CWC27: variants seen among roughly 807,000 people sequenced by gnomAD.
The protein encoded by CWC27 is CWC27 spliceosome associated cyclophilin, also known as spliceosome-associated protein CWC27 homolog.
CWC27 carries 47 observed loss-of-function variants against 63.6 expected under a neutral mutation model. The ratio of observed to expected loss-of-function variants is 0.74; its 90% CI spans 0.58 to 0.94. CWC27 has a LOEUF of 0.94. CWC27 is among the 40% of genes least tolerant of loss of function. The probability of loss-of-function intolerance (pLI) is 0.00; values close to 1 mark genes in which losing one functional copy is unlikely to be tolerated. For missense variants in CWC27, 495 were observed against 554.3 expected (o/e 0.89, Z 1.07); for synonymous variants, 175 against 179.8 (o/e 0.97, Z 0.22).
chr5:64,865,140 G>C (rs952637863), intron 10 of CWC27, among the ~76,000 whole-genome samples: 5 of 151,700 alleles, frequency 3.3e-5, no homozygotes, highest in Non-Finnish European at 7.4e-5. Flanking sequence ...AAAAAAACTT[G>C]GGGTAACAGC....
chr5:64,947,366 C>T (rs1273462578), intron 11 of CWC27, among the ~76,000 whole-genome samples: 1 of 152,112 alleles, frequency 6.6e-6, no homozygotes, highest in Non-Finnish European at 1.5e-5. Context: ...GCAGTCTAGT[C>T]TAACTTGGCT....
In CWC27 at chr5:64,885,737, G is replaced by GTGTGTGTGTGTGTT. The variant is rs778534933; in HGVS notation, c.1042+192_1042+193insGTGTGTGTGTGTTT. On this transcript the variant is annotated intron_variant, in intron 11 of 13. Coordinates refer to ENST00000381070, the MANE Select transcript of CWC27 (RefSeq NM_005869.4). ...TGTGTGTGTGTGTGTGTGTGTGTGTGTTTTTAATACTTTCTTTGAACAGTT... is the reference window on the plus strand; with the variant it reads ...TGTGTGTGTGTGTGTGTGTGTGTGTGTGTGTGTGTGTGTTTTTTTAATACTTTCTTTGAACAGTT... Among the ~76,000 whole-genome samples the GTGTGTGTGTGTGTT allele has an allele frequency of 1.9e-3, 265 of 141,558 alleles. 4 individuals carry two copies. Among genetic ancestry groups the GTGTGTGTGTGTGTT allele is most frequent in the South Asian group, 2.1e-3 (10 of 4,702 alleles). The allele number at this position is 141,558 out of a possible 152,430, so 92.9% of individuals were successfully genotyped here.
intron 2 of CWC27, among the ~76,000 whole-genome samples, chr5:64,776,954 G>T (rs1363887122): frequency 2.0e-5 from 3 of 151,976 alleles, no homozygotes; most frequent in African/African-American, 7.2e-5. Context: ...GGTCTTTGCA[G>T]CATAGTTAGG....
chr5:64,800,193 A>G (rs1744438879), intron 7 of CWC27, 55 bp from the exon 8 acceptor site: 1 of 1,190,460 alleles, frequency 8.4e-7, no homozygotes, highest in South Asian at 1.3e-5. Context: ...TTAACTTGTT[A>G]TTTAGGAATA....
chr5:64,909,188 C>A (rs577314638), intron 11 of CWC27, among the ~76,000 whole-genome samples: 243 of 152,210 alleles, frequency 1.6e-3, no homozygotes, highest in Non-Finnish European at 2.7e-3. Context: ...AAATTCTTTT[C>A]TTTAAGAATA....
At chr5:64,877,085 T>C (rs770140066) in intron 10 of CWC27, among the ~76,000 whole-genome samples, 10 of 152,014 alleles carry the variant, frequency 6.6e-5, no homozygotes, top group Non-Finnish European at 1.3e-4. Flanking sequence ...GAAAAGGAAA[T>C]TGTTATATCA....
At chr5:64,903,468 T>A (rs188404641) in intron 11 of CWC27, among the ~76,000 whole-genome samples, 2 of 150,936 alleles carry the variant, frequency 1.3e-5, no homozygotes, top group Non-Finnish European at 1.5e-5. Flanking sequence ...TAAGTGGGAG[T>A]TGAACAATGA....
chr5:64,878,404 T>C (rs1561444179), intron 10 of CWC27, among the ~76,000 whole-genome samples: 1 of 141,784 alleles, frequency 7.1e-6, no homozygotes, highest in Non-Finnish European at 1.5e-5. Flanking sequence ...GGTTGTAGTA[T>C]ATTTTGAATA....
At chr5:64,957,078 T>A (rs1198842706) in intron 11 of CWC27, among the ~76,000 whole-genome samples, 3 of 152,148 alleles carry the variant, frequency 2.0e-5, no homozygotes, top group African/African-American at 7.2e-5. Context: ...ATGCAAGTAT[T>A]TTAAGGACTG....
At chr5:64,962,709 C>A (rs1424833451) in intron 11 of CWC27, among the ~76,000 whole-genome samples, 5 of 152,102 alleles carry the variant, frequency 3.3e-5, no homozygotes, top group African/African-American at 7.2e-5. Context: ...GGCTCTGGAC[C>A]AATGGAACCC....
At chr5:64,800,754 C>T (rs901484781) in intron 8 of CWC27, among the ~76,000 whole-genome samples, 5 of 152,142 alleles carry the variant, frequency 3.3e-5, no homozygotes, top group Non-Finnish European at 7.4e-5. Context: ...TAAATTCTCA[C>T]ATACTTTGAG....
intron 10 of CWC27, among the ~76,000 whole-genome samples, chr5:64,811,924 G>T (rs1230891417): frequency 6.6e-6 from 1 of 151,954 alleles, no homozygotes; most frequent in Non-Finnish European, 1.5e-5. Context: ...TAGTGTTTCA[G>T]ATCTTCTTTT....
intron 10 of CWC27, among the ~76,000 whole-genome samples, chr5:64,828,738 A>G (rs921812843): frequency 1.3e-5 from 2 of 152,140 alleles, no homozygotes; most frequent in Non-Finnish European, 2.9e-5. Context: ...TTGACAACCT[A>G]GGTCATCTGA....
rs370022264 is a variant in CWC27 at position 64,977,630 on chromosome 5, C to T, written c.1256+392C>T. ...ACATTTTCCCACAAACCTTTTAGAA[C>T]TCAGTAATCTATTTCATAATCCGAC... On this transcript the variant is annotated intron_variant, in intron 13 of 13. Transcript: ENST00000381070. 9.9e-5 allele frequency among the ~76,000 whole-genome samples: 15 copies of T among 152,250 alleles called. No homozygotes were observed. The East Asian group carries it at 2.3e-3, about 23-fold the overall frequency.
At chr5:64,925,749 G>A (rs572399739) in intron 11 of CWC27, among the ~76,000 whole-genome samples, 1 of 152,320 alleles carries the variant, frequency 6.6e-6, no homozygotes, top group Non-Finnish European at 1.5e-5. Flanking sequence ...AAGTTCTGCA[G>A]TAAAATCTGT....
intron 4 of CWC27, among the ~76,000 whole-genome samples, chr5:64,784,309 T>A (rs1257768358): frequency 6.6e-6 from 1 of 152,186 alleles, no homozygotes; most frequent in East Asian, 1.9e-4. Flanking sequence ...TAGGTAATAA[T>A]ATTTAGTAGT....
chr5:64,912,125 G>T (rs1380334744), intron 11 of CWC27, among the ~76,000 whole-genome samples: 1 of 151,344 alleles, frequency 6.6e-6, no homozygotes, highest in Admixed American at 6.6e-5. Context: ...GACCTGTATA[G>T]GTATATAGCT....
chr5:64,846,993 CAAAA>C (rs35090437), intron 10 of CWC27, among the ~76,000 whole-genome samples: 2 of 86,200 alleles, frequency 2.3e-5, no homozygotes, highest in Non-Finnish European at 4.5e-5. Flanking sequence ...GACTCCATCT[CAAAA>C]AAAAAAAAAA....
At chr5:64,817,252 G>C (rs536195764) in intron 10 of CWC27, among the ~76,000 whole-genome samples, 1 of 152,056 alleles carries the variant, frequency 6.6e-6, no homozygotes, top group South Asian at 2.1e-4. Context: ...TTTTTGTTCA[G>C]TCCCTTGCTC....
Sources: allele counts gnomAD v4.1 joint callset (sites outside exome capture counted in the v4.1 genomes callset), GRCh38; gene constraint gnomAD v4.1.1; transcripts MANE v1.5; gene names NCBI Gene and HGNC (gene_info 2026-07-23, HGNC 2026-07-21).